THEM6: variants seen among roughly 807,000 people sequenced by gnomAD.
The protein encoded by THEM6 is thioesterase superfamily member 6.
Under a neutral mutation model 13.7 loss-of-function variants are expected in THEM6, and 10 were observed. That is an observed-to-expected ratio of 0.73 (90% confidence interval 0.45 to 1.24). The LOEUF (loss-of-function observed/expected upper bound fraction) is 1.24, where lower values mean the gene tolerates loss of function less well. Ranked by LOEUF, THEM6 falls within the 50% of genes most tolerant of loss-of-function variation. The probability of loss-of-function intolerance (pLI) is 0.00; values close to 1 mark genes in which losing one functional copy is unlikely to be tolerated. For missense variants in THEM6, 317 were observed against 312.6 expected (o/e 1.01, Z -0.11); for synonymous variants, 161 against 156.0 (o/e 1.03, Z -0.24).
Position 142,727,482 on chromosome 8 carries a change from G to C in THEM6, c.136G>C (p.Ala46Pro), listed in dbSNP as rs781789851. Residue 46 changes from alanine (A) to proline (P), a missense_variant, in exon 1 of 2, where the codon GCT becomes CCT. Physicochemically the swap from Ala to Pro is conservative, Grantham distance 27. Coordinates refer to ENST00000336138, the MANE Select transcript of THEM6 (RefSeq NM_016647.3). ...LLQPRVRDLL[A>P]EQRFPGRVLP... ...GCAGCCGCGCGTCCGTGACCTGCTAGCTGAGCAGCGCTTCCCGGGCCGCGT... is the reference window on the plus strand; with the variant it reads ...GCAGCCGCGCGTCCGTGACCTGCTACCTGAGCAGCGCTTCCCGGGCCGCGT... The C allele has an allele frequency of 2.5e-6, 4 of 1,576,500 alleles. No individual in the cohort carries two copies. The Admixed American group carries it at 5.2e-5, about 20-fold the overall frequency.
chr8:142,732,161 AAT>A (rs59428096), intron 1 of THEM6, among the ~76,000 whole-genome samples: 1,018 of 36,988 alleles, frequency 0.028, 27 homozygotes, highest in African/African-American at 0.04. Context: ...GGGAGTTTTG[AAT>A]ATATATATAT....
At chr8:142,733,458 C>A (rs760767008) in intron 1 of THEM6, among the ~76,000 whole-genome samples, 1 of 152,224 alleles carries the variant, frequency 6.6e-6, no homozygotes, top group East Asian at 1.9e-4. Flanking sequence ...TGAAGAGGAA[C>A]CTCTACTTTA....
intron 1 of THEM6, among the ~76,000 whole-genome samples, chr8:142,733,111 G>A (rs1367846365): frequency 6.6e-6 from 1 of 152,328 alleles, no homozygotes; most frequent in South Asian, 2.1e-4. Context: ...CTCACATTCT[G>A]TATCTGTCCC....
rs782241502 is a variant in THEM6, at chr8:142,727,436, C to T, written c.90C>T (p.Ala30=). Residue 30 remains alanine (A), a synonymous_variant, in exon 1 of 2, where the codon GCC becomes GCT. Coordinates refer to ENST00000336138, the MANE Select transcript of THEM6 (RefSeq NM_016647.3). ...GGTACCTGGTGCGCCTTCCGTGCGC[C>T]GTGCTGCGCGCGCGCCTGCTGCAGC... The part of the protein sequence containing the change: ...DVWYLVRLPC[A]VLRARLLQPR... 7 of 1,550,212 alleles carry T rather than the reference C, an allele frequency of 4.5e-6. No homozygotes were observed. In the South Asian group the frequency reaches 4.7e-5, roughly 10 times the overall value.
At position 142,727,665 on chromosome 8, in the gene THEM6, C is replaced by G; in HGVS notation, c.319C>G (p.His107Asp). ...HTVLAASCAR[H>D]RRSLRLLEPF... Reference sequence around the variant, plus strand: ...GGTGCTGGCGGCCTCGTGCGCGCGCCACCGCCGCTCGCTGCGCCTGCTGGA... The same window carrying G: ...GGTGCTGGCGGCCTCGTGCGCGCGCGACCGCCGCTCGCTGCGCCTGCTGGA... Residue 107 changes from histidine to aspartate, a missense_variant, in exon 1 of 2, where the codon CAC (histidine) becomes GAC (aspartate). By Grantham distance (81) the His-to-Asp change is moderately conservative. Transcript: ENST00000336138. The G allele has an allele frequency of 7.0e-7, 1 of 1,434,880 alleles. No individual in the cohort carries two copies. Among genetic ancestry groups the G allele is most frequent in the Non-Finnish European group, 9.0e-7 (1 of 1,105,990 alleles). 88.9% of individuals were successfully genotyped at this position (1,434,880 alleles called of 1,614,324 possible). A position where few individuals can be genotyped will look rare whatever the true frequency, so the allele number is the denominator to read the frequency against.
chr8:142,732,839 A>G (rs1342306426), intron 1 of THEM6, among the ~76,000 whole-genome samples: 1 of 152,114 alleles, frequency 6.6e-6, no homozygotes, highest in Non-Finnish European at 1.5e-5. Flanking sequence ...AGAGAGGAAC[A>G]GAGACCGCCC....
chr8:142,735,581 C>A lies in THEM6; in HGVS notation c.*142C>A. On this transcript the variant is annotated 3_prime_UTR_variant, in exon 2 of 2. Transcript: ENST00000336138. Reference sequence around the variant, plus strand: ...CACCCTGCTCCACCCACTGGGCCCCCCCAGTTATTGATACCCCTCTGTGCT... The same window carrying A: ...CACCCTGCTCCACCCACTGGGCCCCACCAGTTATTGATACCCCTCTGTGCT... 1 of 655,178 alleles carries A rather than the reference C, an allele frequency of 1.5e-6. No individual in the cohort carries two copies. Among genetic ancestry groups the A allele is most frequent in the South Asian group, 1.7e-5 (1 of 57,346 alleles). 40.6% of individuals were successfully genotyped at this position (655,178 alleles called of 1,614,324 possible). A position where few individuals can be genotyped will look rare whatever the true frequency, so the allele number is the denominator to read the frequency against.
At chr8:142,735,095 G>A in intron 1 of THEM6, 1 of 505,252 alleles carries the variant, frequency 2.0e-6, no homozygotes, top group Admixed American at 3.3e-5. Context: ...GTTTCTGGCT[G>A]GGTTCTGGGG....
intron 1 of THEM6, among the ~76,000 whole-genome samples, chr8:142,731,720 C>T (rs958811789): frequency 6.6e-6 from 1 of 152,204 alleles, no homozygotes; most frequent in Non-Finnish European, 1.5e-5. Context: ...CCCGCTCCTG[C>T]AGCAGCAGGG....
Position 142,736,522 on chromosome 8 carries a change from C to T in THEM6, c.*1083C>T, listed in dbSNP as rs1815774055. On this transcript the variant is annotated 3_prime_UTR_variant, in exon 2 of 2. Coordinates refer to ENST00000336138, the MANE Select transcript of THEM6 (RefSeq NM_016647.3). ...CTACTAGGACACTGGCTGGGGCCAC[C>T]CCCTCCTGCCTAATGCCTCACCTTA... The T allele has an allele frequency of 6.6e-6, 1 of 152,362 alleles. No individual in the cohort carries two copies. Among genetic ancestry groups the T allele is most frequent in the Non-Finnish European group, 1.5e-5 (1 of 68,148 alleles). 9.4% of individuals were successfully genotyped at this position (152,362 alleles called of 1,614,324 possible).
intron 1 of THEM6, among the ~76,000 whole-genome samples, chr8:142,728,637 A>C (rs1815570762): frequency 6.6e-6 from 1 of 152,230 alleles, no homozygotes; most frequent in Non-Finnish European, 1.5e-5. Flanking sequence ...GTCTCATCTC[A>C]GTCCTGATGT....
Position 142,727,291 on chromosome 8 carries a change from G to GGACACC in THEM6, c.-54_-49dup. The GGACACC allele has an allele frequency of 7.1e-7, 1 of 1,408,006 alleles. No homozygotes were observed. Among genetic ancestry groups the GGACACC allele is most frequent in the Non-Finnish European group, 9.2e-7 (1 of 1,089,246 alleles). 87.2% of individuals were successfully genotyped at this position (1,408,006 alleles called of 1,614,324 possible). On this transcript the variant is annotated 5_prime_UTR_variant, in exon 1 of 2. Coordinates refer to ENST00000336138, the MANE Select transcript of THEM6 (RefSeq NM_016647.3). The stretch of plus-strand genomic sequence containing the variant: ...TGGCGGGCACCGTAACCAGCGCCGC[G>GGACACC]GACACCGGCACCGGCGCCACGGACT...
At chr8:142,735,274 AGAGGTGGGAAGGCCG>A in intron 1 of THEM6, 37 bp from the exon 2 acceptor site, 1 of 1,366,996 alleles carries the variant, frequency 7.3e-7, no homozygotes, top group African/African-American at 1.4e-5. Context: ...GCAGCGGCCC[AGAGGTGGGAAGGCCG>A]TAGCTTAGCT....
intron 1 of THEM6, among the ~76,000 whole-genome samples, chr8:142,733,467 T>C (rs985170260): frequency 2.4e-4 from 37 of 152,362 alleles, no homozygotes; most frequent in African/African-American, 8.2e-4. Flanking sequence ...ACCTCTACTT[T>C]ACAACTAAAC....
chr8:142,730,746 C>CTTT (rs782028092), intron 1 of THEM6, among the ~76,000 whole-genome samples: 7 of 142,108 alleles, frequency 4.9e-5, no homozygotes, highest in Non-Finnish European at 1.1e-4. Flanking sequence ...TTAATAAAAT[C>CTTT]TTTTTTTTTT....
At chr8:142,734,056 G>A (rs587647343) in intron 1 of THEM6, among the ~76,000 whole-genome samples, 29 of 152,292 alleles carry the variant, frequency 1.9e-4, no homozygotes, top group East Asian at 1.7e-3. Context: ...GTTTCTTGTC[G>A]GACTTAAGGT....
In THEM6 at chr8:142,735,965, G is replaced by C. The variant is rs1469887104; in HGVS notation, c.*526G>C. 6.5e-6 allele frequency: 1 copy of C among 154,150 alleles called. No individual in the cohort carries two copies. Among genetic ancestry groups the C allele is most frequent in the Admixed American group, 6.4e-5 (1 of 15,562 alleles). The allele number at this position is 154,150 out of a possible 1,614,324, so 9.5% of individuals were successfully genotyped here. ...TTCCGCTGAGGTGGTTGCAGGCCTG[G>C]GGCAGAGCCTGGGTGGTCAGAGGCC... On this transcript the variant is annotated 3_prime_UTR_variant, in exon 2 of 2. Transcript: ENST00000336138.
At chr8:142,733,705 G>T (rs1393144961) in intron 1 of THEM6, among the ~76,000 whole-genome samples, 1 of 152,224 alleles carries the variant, frequency 6.6e-6, no homozygotes, top group East Asian at 1.9e-4. Context: ...AAAAGTATCG[G>T]AGATATGTCT....
chr8:142,730,300 G>A (rs187848092), intron 1 of THEM6, among the ~76,000 whole-genome samples: 68 of 152,166 alleles, frequency 4.5e-4, no homozygotes, highest in Middle Eastern at 3.4e-3. Context: ...GCTGGCTCAA[G>A]TTTTTTCTTT....
Sources: gnomAD v4.1 joint callset for allele counts (sites outside exome capture counted in the v4.1 genomes callset) on GRCh38, gnomAD v4.1.1 for gene constraint, MANE v1.5 for transcripts, NCBI Gene and HGNC (gene_info 2026-07-23, HGNC 2026-07-21) for gene names.